Variants in CPEB3 observed in about 807,000 individuals in gnomAD.
CPEB3 encodes cytoplasmic polyadenylation element binding protein 3, also known as cytoplasmic polyadenylation element-binding protein 3.
CPEB3 carries 20 observed loss-of-function variants against 67.2 expected under a neutral mutation model. The ratio of observed to expected loss-of-function variants is 0.30; its 90% CI spans 0.21 to 0.43. The LOEUF (loss-of-function observed/expected upper bound fraction) is 0.43, where lower values mean the gene tolerates loss of function less well. Among genes scored for constraint, CPEB3 ranks in the 20% least tolerant of loss-of-function variants. The pLI is 1.00. For missense variants in CPEB3, 746 were observed against 968.6 expected (o/e 0.77, Z 3.05); for synonymous variants, 376 against 393.1 (o/e 0.96, Z 0.51).
In CPEB3 at chr10:92,052,230, G is replaced by T. The variant is rs1841921444; in HGVS notation, c.2079C>A (p.Val693=). The T allele has an allele frequency of 6.2e-7, 1 of 1,613,666 alleles. No homozygotes were observed. Among genetic ancestry groups the T allele is most frequent in the Non-Finnish European group, 8.5e-7 (1 of 1,179,766 alleles). ...VKEGGDRPRH[V]PFRWS ...CCGTGGCTCAGCTCCAGCGGAACGGGACGTGACGAGGGCGGTCGCCTCCCT... is the reference window on the plus strand; with the variant it reads ...CCGTGGCTCAGCTCCAGCGGAACGGTACGTGACGAGGGCGGTCGCCTCCCT... The change falls in exon 10 of 10, where the codon GTC becomes GTA. Residue 693 remains valine (V), a synonymous_variant. Coordinates refer to ENST00000265997, the MANE Select transcript of CPEB3 (RefSeq NM_014912.5).
At chr10:92,240,823 A>C (rs1356087126) in intron 1 of CPEB3, among the ~76,000 whole-genome samples, 1 of 151,866 alleles carries the variant, frequency 6.6e-6, no homozygotes, top group Non-Finnish European at 1.5e-5. Flanking sequence ...CGCACACACG[A>C]CCCTTTCTTC....
At chr10:92,247,036 C>A (rs1290419957) in intron 1 of CPEB3, among the ~76,000 whole-genome samples, 1 of 152,134 alleles carries the variant, frequency 6.6e-6, no homozygotes, top group Non-Finnish European at 1.5e-5. Flanking sequence ...ACACTAATCT[C>A]TGCTTTTTTT....
intron 1 of CPEB3, among the ~76,000 whole-genome samples, chr10:92,278,788 A>G (rs1842120669): frequency 6.6e-6 from 1 of 151,300 alleles, no homozygotes; most frequent in Admixed American, 6.6e-5. Flanking sequence ...TTTAGTAGAG[A>G]CAGGATTTCA....
At chr10:92,286,840 G>A (rs986014264) in intron 1 of CPEB3, among the ~76,000 whole-genome samples, 2 of 152,032 alleles carry the variant, frequency 1.3e-5, no homozygotes, top group African/African-American at 4.8e-5. Flanking sequence ...CAAGTATGAT[G>A]GAAGAACATT....
intron 4 of CPEB3, among the ~76,000 whole-genome samples, chr10:92,154,970 G>A (rs1413814581): frequency 2.6e-5 from 4 of 152,116 alleles, no homozygotes; most frequent in Non-Finnish European, 2.9e-5. Context: ...ATCCCAGCAC[G>A]TTGGGAGATG....
chr10:92,257,972 C>T (rs910064759), intron 1 of CPEB3, among the ~76,000 whole-genome samples: 21 of 152,022 alleles, frequency 1.4e-4, no homozygotes, highest in Non-Finnish European at 1.5e-5. Context: ...TCAGATGATT[C>T]GCCAACCTCA....
intron 2 of CPEB3, among the ~76,000 whole-genome samples, chr10:92,204,994 G>A (rs1464723240): frequency 6.6e-6 from 1 of 151,626 alleles, no homozygotes; most frequent in Admixed American, 6.6e-5. Context: ...TACCTGCCAC[G>A]ATGTCCAGCG....
At chr10:92,198,464 G>A (rs984410568) in intron 2 of CPEB3, among the ~76,000 whole-genome samples, 16 of 152,062 alleles carry the variant, frequency 1.1e-4, no homozygotes, top group African/African-American at 2.7e-4. Context: ...TCCCAGGTCC[G>A]CCTCTAACAG....
intron 6 of CPEB3, among the ~76,000 whole-genome samples, chr10:92,121,159 C>T (rs1252101864): frequency 6.6e-6 from 1 of 151,768 alleles, no homozygotes; most frequent in East Asian, 1.9e-4. Context: ...CAGGCACGTG[C>T]CACCACACCC....
intron 4 of CPEB3, among the ~76,000 whole-genome samples, chr10:92,159,461 C>T (rs1052867614): frequency 6.6e-6 from 1 of 152,008 alleles, no homozygotes; most frequent in African/African-American, 2.4e-5. Context: ...CATCTGAGGT[C>T]AGGAGTTTGA....
rs574047001 is a variant in CPEB3 at position 92,121,950 on chromosome 10, G to C, written c.1454-10756C>G. Among the ~76,000 whole-genome samples the C allele has an allele frequency of 7.2e-5, 11 of 152,224 alleles. No homozygotes were observed. The South Asian group carries it at 2.3e-3, about 32-fold the overall frequency. On this transcript the variant is annotated intron_variant, in intron 6 of 9. Transcript: ENST00000265997. ...TGTCCCAAACATTCTCTCTGACTTT[G>C]GCTTTCAGGTCAGAGGACTTATCTG... is the stretch of plus-strand genomic sequence containing the variant.
chr10:92,141,708 T>A (rs901287444), intron 6 of CPEB3, among the ~76,000 whole-genome samples: 1 of 150,134 alleles, frequency 6.7e-6, no homozygotes. Flanking sequence ...TAATAAATAA[T>A]TGATAAGAAA....
At chr10:92,217,373 T>G (rs1850480105) in intron 2 of CPEB3, among the ~76,000 whole-genome samples, 1 of 152,004 alleles carries the variant, frequency 6.6e-6, no homozygotes, top group Non-Finnish European at 1.5e-5. Context: ...AATTGATTTA[T>G]CAATATGATG....
intron 1 of CPEB3, among the ~76,000 whole-genome samples, chr10:92,287,730 T>C (rs537888056): frequency 6.6e-6 from 1 of 152,328 alleles, no homozygotes; most frequent in Admixed American, 6.5e-5. Flanking sequence ...TTTTTGAGTA[T>C]ATTTACAGTT....
intron 1 of CPEB3, among the ~76,000 whole-genome samples, chr10:92,251,880 G>A (rs1280520374): frequency 6.6e-6 from 1 of 151,474 alleles, no homozygotes; most frequent in Non-Finnish European, 1.5e-5. Flanking sequence ...GGGAGAGGTT[G>A]CAGTGAGCCG....
intron 6 of CPEB3, among the ~76,000 whole-genome samples, chr10:92,140,356 C>T (rs1846343407): frequency 6.6e-6 from 1 of 152,100 alleles, no homozygotes; most frequent in East Asian, 1.9e-4. Context: ...ATCTTACAAA[C>T]CTGACAAAAA....
intron 9 of CPEB3, among the ~76,000 whole-genome samples, chr10:92,061,743 A>C (rs926117883): frequency 6.6e-6 from 1 of 152,182 alleles, no homozygotes; most frequent in Non-Finnish European, 1.5e-5. Context: ...AAAATCAGAA[A>C]GAATGAATAA....
At chr10:92,109,885 T>C (rs1282061507) in intron 7 of CPEB3, among the ~76,000 whole-genome samples, 1 of 152,226 alleles carries the variant, frequency 6.6e-6, no homozygotes, top group Non-Finnish European at 1.5e-5. Context: ...GATATTGCCA[T>C]ATAGCTGAGT....
intron 6 of CPEB3, among the ~76,000 whole-genome samples, chr10:92,113,664 T>C (rs1055582446): frequency 1.8e-4 from 28 of 152,340 alleles, no homozygotes; most frequent in South Asian, 6.2e-4. Context: ...GCTGACTCCA[T>C]TTTTCCTTCA....
Sources: gnomAD v4.1 joint callset for allele counts (sites outside exome capture counted in the v4.1 genomes callset) on GRCh38, gnomAD v4.1.1 for gene constraint, MANE v1.5 for transcripts, NCBI Gene and HGNC (gene_info 2026-07-23, HGNC 2026-07-21) for gene names.